Variants in FEM1B observed in about 807,000 individuals in gnomAD.
FEM1B encodes the protein protein fem-1 homolog B.
FEM1B carries 10 observed loss-of-function variants against 38.6 expected under a neutral mutation model. The observed-to-expected ratio is 0.26, with a 90% CI of 0.16 to 0.44. The LOEUF (loss-of-function observed/expected upper bound fraction) is 0.44, where lower values mean the gene tolerates loss of function less well. Among genes scored for constraint, FEM1B ranks in the 20% least tolerant of loss-of-function variants. The pLI, the probability that FEM1B is intolerant of heterozygous loss-of-function variation, is 1.00. For missense variants in FEM1B, 471 were observed against 786.7 expected (o/e 0.60, Z 4.80); for synonymous variants, 288 against 288.0 (o/e 1.00, Z 0.00).
rs1892713929 is a variant in FEM1B at position 68,280,498 on chromosome 15, A to G, written c.248+1833A>G. Among the ~76,000 whole-genome samples the G allele has an allele frequency of 6.6e-6, 1 of 152,188 alleles. No individual in the cohort carries two copies. The highest frequency in any genetic ancestry group is 2.1e-4 in the South Asian group (1 of 4,830). On this transcript the variant is annotated intron_variant, in intron 1 of 1. Transcript: ENST00000306917. The surrounding 1 kb of genome is among the most constrained non-coding windows in gnomAD (Gnocchi z 4.2). ...ATCATTTGGACTACTGAGAGAAAAC[A>G]GGGAAAGGAAGTGCTGTTTTATCCG...
chr15:68,294,904 A>G lies in FEM1B; in HGVS notation c.*3662A>G, dbSNP rs1892887461. 1 of 152,122 alleles carries G rather than the reference A, an allele frequency of 6.6e-6. No individual in the cohort carries two copies. The highest frequency in any genetic ancestry group is 1.5e-5 in the Non-Finnish European group (1 of 68,010). The allele number at this position is 152,122 out of a possible 1,614,324, so 9.4% of individuals were successfully genotyped here. On this transcript the variant is annotated 3_prime_UTR_variant, in exon 2 of 2. Coordinates refer to ENST00000306917, the MANE Select transcript of FEM1B (RefSeq NM_015322.5). The surrounding 1 kb of genome is among the most constrained non-coding windows in gnomAD (Gnocchi z 4.4). ...GGTTTTAAGCTGTGTGTCCATTCCT[A>G]CTCTGAAAATGCATAGCTTTGTTCT...
rs1310103226 is a variant in FEM1B, at chr15:68,291,202, A to G, written c.1844A>G (p.Gln615Arg). The G allele has an allele frequency of 1.2e-6, 2 of 1,610,108 alleles. No homozygotes were observed. The highest frequency in any genetic ancestry group is 2.2e-5 in the East Asian group (1 of 44,866). Residue 615 changes from glutamine (Q) to arginine (R), a missense_variant, in exon 2 of 2, where the codon CAG becomes CGG. Gln to Arg is a conservative substitution (Grantham distance 43). This residue lies in a region of FEM1B where 380 missense variants were observed against 599.6 expected (regional missense o/e 0.63). Transcript: ENST00000306917. This position sits in a 1 kb window ranked among gnomAD's most constrained non-coding sequence, Gnocchi z 6.9. ...GCTAATGACATTAACTACCAAGACC[A>G]GATCCCCAGAACTCTTGAAGAGTTT... ...VRANDINYQD[Q>R]IPRTLEEFVG...
rs1892709317 is a variant in FEM1B, at chr15:68,280,017, C to T, written c.248+1352C>T. ...GACCTCTGAACCTCCAGTACCGTTC[C>T]ACCTGTATAGGCATATGAAGTCATT... On this transcript the variant is annotated intron_variant, in intron 1 of 1. Transcript: ENST00000306917. This position sits in a 1 kb window ranked among gnomAD's most constrained non-coding sequence, Gnocchi z 4.2. 6.6e-6 allele frequency: 1 copy of T among 152,188 alleles called. No homozygotes were observed. Among genetic ancestry groups the T allele is most frequent in the African/African-American group, 2.4e-5 (1 of 41,418 alleles). 9.4% of individuals were successfully genotyped at this position (152,188 alleles called of 1,614,324 possible).
chr15:68,291,282 A>T lies in FEM1B; in HGVS notation c.*40A>T. On this transcript the variant is annotated 3_prime_UTR_variant, in exon 2 of 2. Coordinates refer to ENST00000306917, the MANE Select transcript of FEM1B (RefSeq NM_015322.5). The surrounding 1 kb of genome is among the most constrained non-coding windows in gnomAD (Gnocchi z 6.9). ...AAAGTCGTTTAATGTGGTGCTAAAA[A>T]GTAAAGGACTTTTAATCACAGACAG... is the stretch of plus-strand genomic sequence containing the variant. 6.9e-7 allele frequency: 1 copy of T among 1,448,800 alleles called. No homozygotes were observed. 89.7% of individuals were successfully genotyped at this position (1,448,800 alleles called of 1,614,324 possible). A position where few individuals can be genotyped will look rare whatever the true frequency, so the allele number is the denominator to read the frequency against.
At chr15:68,285,975 AATTC>A (rs891371588) in intron 1 of FEM1B, among the ~76,000 whole-genome samples, 14 of 151,846 alleles carry the variant, frequency 9.2e-5, no homozygotes, top group African/African-American at 3.4e-4. Context: ...ATCAACACTA[AATTC>A]ATTAAGAATA....
chr15:68,287,002 C>T (rs1198185089), intron 1 of FEM1B, among the ~76,000 whole-genome samples: 15 of 150,052 alleles, frequency 1.0e-4, no homozygotes, highest in Admixed American at 9.9e-4. Context: ...ATTCTCCTGC[C>T]TCAGCCTCCT....
In FEM1B at chr15:68,290,231, C is replaced by T. The variant is rs558607860; in HGVS notation, c.873C>T (p.Leu291=). 26 of 1,613,980 alleles carry T rather than the reference C, an allele frequency of 1.6e-5. No homozygotes were observed. Among genetic ancestry groups the T allele is most frequent in the East Asian group, 8.9e-5 (4 of 44,882 alleles). Residue 291 remains leucine (L), a synonymous_variant, in exon 2 of 2, where the codon CTC becomes CTT. Coordinates refer to ENST00000306917, the MANE Select transcript of FEM1B (RefSeq NM_015322.5). The surrounding 1 kb of genome is among the most constrained non-coding windows in gnomAD (Gnocchi z 9.7). ...GGTTCCAAGATGGTGATAACATTCT[C>T]GAAAAAGAGGTTCTTCCACCAATCC... ...LERFQDGDNI[L]EKEVLPPIHA... is the part of the protein sequence containing the mutation.
In FEM1B at chr15:68,294,907, C is replaced by G. The variant is rs1167244267; in HGVS notation, c.*3665C>G. Reference sequence around the variant, plus strand: ...TTTAAGCTGTGTGTCCATTCCTACTCTGAAAATGCATAGCTTTGTTCTGGA... The same window carrying G: ...TTTAAGCTGTGTGTCCATTCCTACTGTGAAAATGCATAGCTTTGTTCTGGA... On this transcript the variant is annotated 3_prime_UTR_variant, in exon 2 of 2. Transcript: ENST00000306917. The surrounding 1 kb of genome is among the most constrained non-coding windows in gnomAD (Gnocchi z 4.4). The G allele has an allele frequency of 6.6e-6, 1 of 152,194 alleles. No homozygotes were observed. The highest frequency in any genetic ancestry group is 1.5e-5 in the Non-Finnish European group (1 of 68,030). The allele number at this position is 152,194 out of a possible 1,614,324, so 9.4% of individuals were successfully genotyped here.
In FEM1B at chr15:68,278,397, G is replaced by C; in HGVS notation, c.-21G>C. ...AGCTGCAGCGGTGGCGACCAAACGG[G>C]TGTTGGAGTTGGCGGCGGCCATGGA... On this transcript the variant is annotated 5_prime_UTR_variant, in exon 1 of 2. Coordinates refer to ENST00000306917, the MANE Select transcript of FEM1B (RefSeq NM_015322.5). The surrounding 1 kb of genome is among the most constrained non-coding windows in gnomAD (Gnocchi z 5.7). The C allele has an allele frequency of 1.2e-6, 2 of 1,604,778 alleles. No homozygotes were observed. The highest frequency in any genetic ancestry group is 1.7e-6 in the Non-Finnish European group (2 of 1,175,984).
At chr15:68,283,926 C>G (rs1892755724) in intron 1 of FEM1B, among the ~76,000 whole-genome samples, 1 of 148,552 alleles carries the variant, frequency 6.7e-6, no homozygotes, top group Middle Eastern at 3.4e-3. Context: ...ACTCTTGTTG[C>G]CGAGGCTAAA....
intron 1 of FEM1B, among the ~76,000 whole-genome samples, chr15:68,283,644 G>A (rs984510107): frequency 1.3e-5 from 2 of 151,718 alleles, no homozygotes; most frequent in African/African-American, 4.8e-5. Context: ...ACTGTACTTA[G>A]CCGGTACAAC....
In FEM1B at chr15:68,292,004, T is replaced by C. The variant is rs1235753641; in HGVS notation, c.*762T>C. ...ATGAAATTTATCTAAATTGCAGCAG[T>C]CTATTTGATTCAGCTCATAGACATG... is the stretch of plus-strand genomic sequence containing the variant. On this transcript the variant is annotated 3_prime_UTR_variant, in exon 2 of 2. Coordinates refer to ENST00000306917, the MANE Select transcript of FEM1B (RefSeq NM_015322.5). 6.6e-6 allele frequency: 1 copy of C among 152,178 alleles called. No individual in the cohort carries two copies. The highest frequency in any genetic ancestry group is 6.5e-5 in the Admixed American group (1 of 15,288). The allele number at this position is 152,178 out of a possible 1,614,324, so 9.4% of individuals were successfully genotyped here. A position where few individuals can be genotyped will look rare whatever the true frequency, so the allele number is the denominator to read the frequency against.
chr15:68,283,502 T>TAAAAAAAA (rs60432847), intron 1 of FEM1B, among the ~76,000 whole-genome samples: 25 of 71,980 alleles, frequency 3.5e-4, no homozygotes, highest in African/African-American at 1.5e-3. Flanking sequence ...CATCTCTACC[T>TAAAAAAAA]AAAAAAAAAA....
At chr15:68,283,647 G>T (rs958075985) in intron 1 of FEM1B, among the ~76,000 whole-genome samples, 2 of 151,748 alleles carry the variant, frequency 1.3e-5, no homozygotes, top group East Asian at 1.9e-4. Context: ...GTACTTAGCC[G>T]GTACAACAGA....
At chr15:68,282,865 C>T (rs952649337) in intron 1 of FEM1B, among the ~76,000 whole-genome samples, 2 of 152,096 alleles carry the variant, frequency 1.3e-5, no homozygotes, top group Admixed American at 1.3e-4. Context: ...TTGTAATTCT[C>T]TTTAATCTGT....
rs1892844686 is a variant in FEM1B at position 68,291,268 on chromosome 15, A to G, written c.*26A>G. 1 of 1,514,194 alleles carries G rather than the reference A, an allele frequency of 6.6e-7. No homozygotes were observed. Among genetic ancestry groups the G allele is most frequent in the Admixed American group, 2.2e-5 (1 of 46,492 alleles). 93.8% of individuals were successfully genotyped at this position (1,514,194 alleles called of 1,614,324 possible). ...GTGACTGGATATGTAAAGTCGTTTA[A>G]TGTGGTGCTAAAAAGTAAAGGACTT... On this transcript the variant is annotated 3_prime_UTR_variant, in exon 2 of 2. Transcript: ENST00000306917. The surrounding 1 kb of genome is among the most constrained non-coding windows in gnomAD (Gnocchi z 6.9).
chr15:68,285,016 G>A (rs895112908), intron 1 of FEM1B, among the ~76,000 whole-genome samples: 1 of 152,308 alleles, frequency 6.6e-6, no homozygotes, highest in South Asian at 2.1e-4. Flanking sequence ...AAGTTGCCCA[G>A]TTTCGGGTAT....
In FEM1B at chr15:68,289,527, C is replaced by G. The variant is rs977930516; in HGVS notation, c.249-80C>G. 8 of 946,476 alleles carry G rather than the reference C, an allele frequency of 8.5e-6. No homozygotes were observed. Among genetic ancestry groups the G allele is most frequent in the African/African-American group, 1.6e-5 (1 of 61,394 alleles). The allele number at this position is 946,476 out of a possible 1,614,324, so 58.6% of individuals were successfully genotyped here. On this transcript the variant is annotated intron_variant, in intron 1 of 1. Transcript: ENST00000306917. The surrounding 1 kb of genome is among the most constrained non-coding windows in gnomAD (Gnocchi z 6.9). Reference sequence around the variant, plus strand: ...ATGTTCTGGAGAGTGAGGTCTTGGTCGGTGGGAGTGAATACATCCCTTAAA... The same window carrying G: ...ATGTTCTGGAGAGTGAGGTCTTGGTGGGTGGGAGTGAATACATCCCTTAAA...
chr15:68,282,536 G>A (rs1488437835), intron 1 of FEM1B, among the ~76,000 whole-genome samples: 1 of 152,154 alleles, frequency 6.6e-6, no homozygotes, highest in African/African-American at 2.4e-5. Context: ...GCTCAGCCTT[G>A]TGATCAGAAA....
Sources: allele counts gnomAD v4.1 joint callset (sites outside exome capture counted in the v4.1 genomes callset), GRCh38; gene constraint gnomAD v4.1.1; regional missense constraint gnomAD v4.1.1; non-coding constraint Gnocchi (gnomAD v3.1); transcripts MANE v1.5; gene names NCBI Gene and HGNC (gene_info 2026-07-23, HGNC 2026-07-21).